The following BDP1 variants were observed in gnomAD, a reference collection of about 807,000 sequenced individuals.
BDP1 encodes the protein BDP1 general transcription factor IIIB subunit.
BDP1 carries 169 observed loss-of-function variants against 266.6 expected under a neutral mutation model. The ratio of observed to expected loss-of-function variants is 0.63; its 90% CI spans 0.56 to 0.72. The LOEUF (loss-of-function observed/expected upper bound fraction) is 0.72, where lower values mean the gene tolerates loss of function less well. BDP1 is among the 30% of genes least tolerant of loss of function. The pLI is 0.00. For missense variants in BDP1, 3,015 were observed against 3,053.8 expected, an observed-to-expected ratio of 0.99 and a Z score of 0.30; for synonymous variants, 1,090 against 1,022.4, an observed-to-expected ratio of 1.07 and a Z score of -1.26.
chr5:71,512,509 CAT>C (rs1764984366), intron 18 of BDP1, 81 bp downstream of exon 18: 3 of 947,084 alleles, frequency 3.2e-6, no homozygotes, highest in South Asian at 2.1e-5. Flanking sequence ...CAAGATATAA[CAT>C]ATACAGGATA....
At chr5:71,506,221 T>C (rs953242546) in intron 16 of BDP1, among the ~76,000 whole-genome samples, 2 of 152,242 alleles carry the variant, frequency 1.3e-5, no homozygotes, top group Non-Finnish European at 2.9e-5. Context: ...TTTAGAACAC[T>C]GGTGGACACT....
intron 20 of BDP1, among the ~76,000 whole-genome samples, chr5:71,515,578 A>G (rs1430348203): frequency 6.6e-6 from 1 of 152,180 alleles, no homozygotes; most frequent in East Asian, 1.9e-4. Flanking sequence ...GGATAGGGCT[A>G]CTCAGCTTAT....
chr5:71,499,685 C>T (rs1055761013), intron 13 of BDP1, among the ~76,000 whole-genome samples: 13 of 151,784 alleles, frequency 8.6e-5, no homozygotes, highest in Non-Finnish European at 1.5e-4. Context: ...TTTTTTGGGT[C>T]CAATTGATCT....
At chr5:71,564,627 C>A in intron 38 of BDP1, 127 bp from the exon 39 acceptor site, 1 of 785,220 alleles carries the variant, frequency 1.3e-6, no homozygotes, top group Non-Finnish European at 1.9e-6. Flanking sequence ...ATTTAAAGCT[C>A]AATATTTATT....
chr5:71,538,362 T>C (rs1412957001), intron 26 of BDP1, among the ~76,000 whole-genome samples: 1 of 152,142 alleles, frequency 6.6e-6, no homozygotes, highest in Non-Finnish European at 1.5e-5. Flanking sequence ...TATTTTTGGG[T>C]GCAGCAGTTT....
At chr5:71,478,530 T>C (rs1453273461) in intron 7 of BDP1, among the ~76,000 whole-genome samples, 1 of 152,204 alleles carries the variant, frequency 6.6e-6, no homozygotes, top group Non-Finnish European at 1.5e-5. Flanking sequence ...GACAGTTTTT[T>C]CTTTTTGGTC....
intron 6 of BDP1, among the ~76,000 whole-genome samples, 199 bp downstream of exon 6, chr5:71,467,686 A>G (rs1382276711): frequency 6.6e-6 from 1 of 152,110 alleles, no homozygotes; most frequent in Non-Finnish European, 1.5e-5. Context: ...AAAAAATTTT[A>G]TTTTTTATAG....
At chr5:71,548,597 C>G (rs1158350115) in intron 32 of BDP1, 85 bp from the exon 33 acceptor site, 1 of 824,824 alleles carries the variant, frequency 1.2e-6, no homozygotes, top group African/African-American at 1.7e-5. Flanking sequence ...GAGTTAATCT[C>G]TTCACTATAT....
At chr5:71,575,440 A>T in the BDP1 span, among the ~76,000 whole-genome samples, 1 of 152,202 alleles carries the variant, frequency 6.6e-6, no homozygotes, top group Non-Finnish European at 1.5e-5. Flanking sequence ...GAACAATTGG[A>T]TGCAGGACAC....
At chr5:71,557,861 C>T (rs922693079) in intron 36 of BDP1, among the ~76,000 whole-genome samples, 2 of 152,068 alleles carry the variant, frequency 1.3e-5, no homozygotes, top group African/African-American at 4.8e-5. Flanking sequence ...ATAATAGGTT[C>T]TTTACCCTGA....
intron 11 of BDP1, among the ~76,000 whole-genome samples, chr5:71,491,543 A>G (rs1474663852): frequency 1.3e-5 from 2 of 151,886 alleles, no homozygotes; most frequent in African/African-American, 2.4e-5. Context: ...TTTACCCTCA[A>G]TAGATTTTTT....
chr5:71,486,517 CT>C lies in BDP1; in HGVS notation c.1104del (p.His369IlefsTer23). The C allele has an allele frequency of 1.3e-6, 2 of 1,540,850 alleles. No individual in the cohort carries two copies. Among genetic ancestry groups the C allele is most frequent in the Non-Finnish European group, 1.7e-6 (2 of 1,156,206 alleles). On this transcript the variant is annotated frameshift_variant, in exon 9 of 39. Transcript: ENST00000358731. LOFTEE classifies it high-confidence loss of function. Reference protein sequence around the residue: ...EKRPFDFDFFAHLLQKVLAEE... With the variant: ...EKRPFDFDFFXHLLQKVLAEE... ...CGCCCTTTTGACTTCGATTTTTTTG[CT>C]CATTTGCTTCAGAAAGTTCTTGCTG...
At chr5:71,515,991 T>C in intron 20 of BDP1, 70 bp from the exon 21 acceptor site, 1 of 1,115,552 alleles carries the variant, frequency 9.0e-7, no homozygotes, top group Non-Finnish European at 1.3e-6. Flanking sequence ...ATCCAAATTT[T>C]ACATTTTTAC....
chr5:71,483,374 T>C (rs1163453467), intron 7 of BDP1, among the ~76,000 whole-genome samples: 2 of 152,216 alleles, frequency 1.3e-5, no homozygotes, highest in African/African-American at 4.8e-5. Flanking sequence ...TGAGGAAATG[T>C]GCCTTAATAT....
At chr5:71,502,950 G>A (rs913303636) in intron 15 of BDP1, among the ~76,000 whole-genome samples, 159 bp downstream of exon 15, 2 of 146,766 alleles carry the variant, frequency 1.4e-5, no homozygotes, top group Non-Finnish European at 3.0e-5. Context: ...ATGCAGTGTC[G>A]CGATCTTGCC....
At chr5:71,472,063 A>C (rs1762281956) in intron 7 of BDP1, among the ~76,000 whole-genome samples, 1 of 152,244 alleles carries the variant, frequency 6.6e-6, no homozygotes, top group Non-Finnish European at 1.5e-5. Flanking sequence ...TGATCTGTGT[A>C]ATTAATTATA....
rs74670060 is a variant in BDP1 at position 71,457,275 on chromosome 5, C to A, written c.212+1186C>A. Among the ~76,000 whole-genome samples the A allele has an allele frequency of 5.8e-3, 691 of 118,122 alleles. 8 individuals carry two copies. The highest frequency in any genetic ancestry group is 0.02 in the African/African-American group (655 of 32,186). 77.5% of individuals were successfully genotyped at this position (118,122 alleles called of 152,430 possible). A position where few individuals can be genotyped will look rare whatever the true frequency, so the allele number is the denominator to read the frequency against. Reference sequence around the variant, plus strand: ...GGGAATATAATTTGTTTTTTAGTCACTTTTTTTGCCATTACTGACTCTGGG... The same window carrying A: ...GGGAATATAATTTGTTTTTTAGTCAATTTTTTTGCCATTACTGACTCTGGG... On this transcript the variant is annotated intron_variant, in intron 1 of 38. Coordinates refer to ENST00000358731, the MANE Select transcript of BDP1 (RefSeq NM_018429.3).
At chr5:71,520,488 A>G (rs1042794388) in intron 22 of BDP1, among the ~76,000 whole-genome samples, 1 of 152,242 alleles carries the variant, frequency 6.6e-6, no homozygotes, top group Non-Finnish European at 1.5e-5. Flanking sequence ...AGAGCAATTT[A>G]ACTCTGATAA....
chr5:71,530,117 T>C (rs1561757082), intron 25 of BDP1, among the ~76,000 whole-genome samples: 1 of 152,236 alleles, frequency 6.6e-6, no homozygotes, highest in Non-Finnish European at 1.5e-5. Flanking sequence ...AAACCAACTT[T>C]TACTTTATAG....
Sources: allele counts gnomAD v4.1 joint callset (sites outside exome capture counted in the v4.1 genomes callset), GRCh38; gene constraint gnomAD v4.1.1; transcripts MANE v1.5; gene names NCBI Gene and HGNC (gene_info 2026-07-23, HGNC 2026-07-21).